PLD5: variants seen among roughly 807,000 people sequenced by gnomAD.
PLD5 encodes phospholipase D family member 5.
PLD5 carries 36 observed loss-of-function variants against 61.1 expected under a neutral mutation model. The observed-to-expected ratio is 0.59, with a 90% confidence interval of 0.45 to 0.78. PLD5 has a LOEUF of 0.78. Among genes scored for constraint, PLD5 ranks in the 30% least tolerant of loss-of-function variants. The pLI, the probability that PLD5 is intolerant of heterozygous loss-of-function variation, is 0.00. For synonymous variants in PLD5, 243 were observed against 242.8 expected, an observed-to-expected ratio of 1.00 and a Z score of -0.01; for missense variants, 515 against 644.4, an observed-to-expected ratio of 0.80 and a Z score of 2.17.
At chr1:242,241,860 C>T (rs1367664866) in intron 4 of PLD5, among the ~76,000 whole-genome samples, 2 of 94,434 alleles carry the variant, frequency 2.1e-5, no homozygotes, top group African/African-American at 8.3e-5. Context: ...AAAGAACTTG[C>T]TTTACTTACT....
intron 1 of PLD5, among the ~76,000 whole-genome samples, chr1:242,474,979 C>A (rs956093080): frequency 4.6e-5 from 7 of 152,178 alleles, no homozygotes; most frequent in African/African-American, 1.7e-4. Flanking sequence ...GCTTAGAGGG[C>A]AGAGCTGTTT....
At chr1:242,268,169 G>T (rs540124913) in intron 3 of PLD5, among the ~76,000 whole-genome samples, 1 of 152,044 alleles carries the variant, frequency 6.6e-6, no homozygotes, top group African/African-American at 2.4e-5. Context: ...ACTCCTCCAA[G>T]GAGTCCATTC....
In PLD5 at chr1:242,290,886, T is replaced by A. The variant is rs139762703; in HGVS notation, c.327-2356A>T. 1.3e-4 allele frequency among the ~76,000 whole-genome samples: 19 copies of A among 151,730 alleles called. No individual in the cohort carries two copies. In the East Asian group the frequency reaches 3.5e-3, roughly 28 times the overall value. ...AATCATTTTCCCTACTAGTGTTGGA[T>A]TAATCTTTTAAAAATGTGAATCTGG... is the stretch of plus-strand genomic sequence containing the variant. On this transcript the variant is annotated intron_variant, in intron 2 of 9. Coordinates refer to ENST00000536534, the MANE Select transcript of PLD5 (RefSeq NM_001372062.1).
intron 2 of PLD5, among the ~76,000 whole-genome samples, chr1:242,326,919 G>A (rs1658828835): frequency 6.6e-6 from 1 of 150,726 alleles, no homozygotes; most frequent in South Asian, 2.1e-4. Flanking sequence ...AGGCTGGAGT[G>A]CAGTGGTGCA....
intron 5 of PLD5, among the ~76,000 whole-genome samples, chr1:242,126,595 A>T (rs1662803570): frequency 6.6e-6 from 1 of 152,226 alleles, no homozygotes; most frequent in South Asian, 2.1e-4. Flanking sequence ...TGCTGGGATA[A>T]TTGGCAAGAC....
intron 5 of PLD5, among the ~76,000 whole-genome samples, chr1:242,136,955 G>A (rs2148776332): frequency 1.3e-5 from 2 of 152,296 alleles, no homozygotes; most frequent in South Asian, 4.1e-4. Context: ...GCTTGAACAG[G>A]GATAGGTGTG....
chr1:242,179,336 C>A (rs1200653024), intron 5 of PLD5, among the ~76,000 whole-genome samples: 3 of 152,202 alleles, frequency 2.0e-5, no homozygotes, highest in Non-Finnish European at 4.4e-5. Context: ...GCCTTGTCTG[C>A]AGGGAATTTA....
chr1:242,398,547 ATTG>A (rs922815312), intron 1 of PLD5, among the ~76,000 whole-genome samples: 5 of 152,164 alleles, frequency 3.3e-5, no homozygotes, highest in African/African-American at 1.2e-4. Flanking sequence ...CAATTTGGCT[ATTG>A]TTTGTGCAAA....
chr1:242,303,585 C>T (rs1385461699), intron 2 of PLD5, among the ~76,000 whole-genome samples: 2 of 152,200 alleles, frequency 1.3e-5, no homozygotes, highest in African/African-American at 4.8e-5. Flanking sequence ...CAGGATTTAT[C>T]CTTGGATTTA....
At chr1:242,253,137 T>TTTTTTTTGG (rs1672806166) in intron 4 of PLD5, among the ~76,000 whole-genome samples, 1 of 70,152 alleles carries the variant, frequency 1.4e-5, no homozygotes, top group African/African-American at 4.1e-5. Context: ...TTTTTTTTTT[T>TTTTTTTTGG]GAGGCAGGGT....
At chr1:242,148,066 G>C (rs1664660121) in intron 5 of PLD5, among the ~76,000 whole-genome samples, 2 of 151,864 alleles carry the variant, frequency 1.3e-5, no homozygotes, top group South Asian at 4.2e-4. Context: ...ATCATGTTTT[G>C]AAAATTTTAA....
At chr1:242,289,492 A>T (rs1203739616) in intron 2 of PLD5, among the ~76,000 whole-genome samples, 1 of 152,046 alleles carries the variant, frequency 6.6e-6, no homozygotes, top group Non-Finnish European at 1.5e-5. Context: ...GAGATTACAG[A>T]CACCTGCCAC....
intron 5 of PLD5, among the ~76,000 whole-genome samples, chr1:242,145,420 C>G (rs554666757): frequency 5.1e-4 from 77 of 152,116 alleles, no homozygotes; most frequent in African/African-American, 1.8e-3. Context: ...TTTCCAGTAC[C>G]TAGTATGTCG....
intron 4 of PLD5, among the ~76,000 whole-genome samples, chr1:242,232,361 T>C (rs1292043715): frequency 2.0e-5 from 3 of 152,174 alleles, no homozygotes; most frequent in Non-Finnish European, 4.4e-5. Context: ...ATAAAAGTAT[T>C]TTGCTTTCTC....
chr1:242,222,119 A>G (rs1670630582), intron 4 of PLD5, among the ~76,000 whole-genome samples: 1 of 151,990 alleles, frequency 6.6e-6, no homozygotes. Flanking sequence ...GTCCCATGGC[A>G]TCTTCTCCCT....
chr1:242,263,197 A>G (rs898262268), intron 4 of PLD5, among the ~76,000 whole-genome samples: 1 of 152,048 alleles, frequency 6.6e-6, no homozygotes, highest in Non-Finnish European at 1.5e-5. Context: ...TTTACTGGGA[A>G]GCCCTACTTT....
chr1:242,454,058 G>A (rs137902039), intron 1 of PLD5, among the ~76,000 whole-genome samples: 65 of 152,218 alleles, frequency 4.3e-4, no homozygotes, highest in Non-Finnish European at 7.4e-4. Context: ...GGCTGGCTGC[G>A]GTGGCTCATG....
At chr1:242,110,535 C>A (rs930101443) in intron 7 of PLD5, among the ~76,000 whole-genome samples, 1 of 152,118 alleles carries the variant, frequency 6.6e-6, no homozygotes, top group South Asian at 2.1e-4. Flanking sequence ...TGAAGCCAGG[C>A]GCGGTGGCTC....
At chr1:242,263,151 T>C (rs1673468648) in intron 4 of PLD5, among the ~76,000 whole-genome samples, 1 of 152,162 alleles carries the variant, frequency 6.6e-6, no homozygotes, top group Non-Finnish European at 1.5e-5. Flanking sequence ...CTGGCCTTTT[T>C]CTGGGCCTCC....
Sources: allele counts gnomAD v4.1 joint callset (sites outside exome capture counted in the v4.1 genomes callset), GRCh38; gene constraint gnomAD v4.1.1; transcripts MANE v1.5; gene names NCBI Gene and HGNC (gene_info 2026-07-23, HGNC 2026-07-21).